Variants in JPT1 observed in about 807,000 individuals in gnomAD.
The protein encoded by JPT1 is Jupiter microtubule associated homolog 1.
Under a neutral mutation model 17.0 loss-of-function variants are expected in JPT1, and 5 were observed. That is an observed-to-expected ratio of 0.29 (90% CI 0.15 to 0.62). The LOEUF (loss-of-function observed/expected upper bound fraction) is 0.62. JPT1 is among the 20% of genes least tolerant of loss of function. The pLI, the probability that JPT1 is intolerant of heterozygous loss-of-function variation, is 0.85. For missense variants in JPT1, 158 were observed against 188.1 expected, an observed-to-expected ratio of 0.84 and a Z score of 0.94; for synonymous variants, 71 against 73.6, an observed-to-expected ratio of 0.96 and a Z score of 0.18.
intron 4 of JPT1, chr17:75,141,024 A>AG (rs1444116123): frequency 2.6e-5 from 4 of 152,514 alleles, no homozygotes; most frequent in African/African-American, 9.6e-5. Context: ...AAAGAGGTGG[A>AG]GGCTGCAGTG....
At position 75,154,105 on chromosome 17, in the gene JPT1, A is replaced by C. The variant is rs550856917; in HGVS notation, c.56+237T>G. 8 of 247,534 alleles carry C rather than the reference A, an allele frequency of 3.2e-5. No individual in the cohort carries two copies. The East Asian group carries it at 5.3e-4, about 16-fold the overall frequency. 15.3% of individuals were successfully genotyped at this position (247,534 alleles called of 1,614,324 possible). A position where few individuals can be genotyped will look rare whatever the true frequency, so the allele number is the denominator to read the frequency against. On this transcript the variant is annotated intron_variant, in intron 1 of 4. Transcript: ENST00000409753. ...AGGGGCGACCAGCCCCGGCCTCCTC[A>C]GCCCCTGACTCCGTGGAAGGAATGA...
rs1191186030 is a variant in JPT1 at position 75,148,654 on chromosome 17, C to T, written c.74G>A (p.Gly25Asp). Residue 25 changes from glycine to aspartate, a missense_variant, in exon 2 of 5, where the codon GGT becomes GAT. Physicochemically the swap from Gly to Asp is moderately conservative, Grantham distance 94. Transcript: ENST00000409753. ...RNSSRVLRPP[G>D]GGSNFSLGFD... is the part of the protein sequence containing the mutation. Reference sequence around the variant, plus strand: ...ACCTAATGAAAAATTGGATCCACCACCTGGAGGCCGCAAAACTCTGCAAAT... The same window carrying T: ...ACCTAATGAAAAATTGGATCCACCATCTGGAGGCCGCAAAACTCTGCAAAT... 2 of 1,614,178 alleles carry T rather than the reference C, an allele frequency of 1.2e-6. No homozygotes were observed. The highest frequency in any genetic ancestry group is 8.5e-7 in the Non-Finnish European group (1 of 1,180,038).
chr17:75,144,040 G>T (rs962196692), intron 4 of JPT1, among the ~76,000 whole-genome samples: 1 of 132,172 alleles, frequency 7.6e-6, no homozygotes, highest in Non-Finnish European at 1.8e-5. Context: ...CACCCAGAAG[G>T]ATGGATTCTG....
At chr17:75,148,198 G>A (rs1408616605) in intron 2 of JPT1, among the ~76,000 whole-genome samples, 1 of 152,100 alleles carries the variant, frequency 6.6e-6, no homozygotes, top group Non-Finnish European at 1.5e-5. Flanking sequence ...AGTCTAAACT[G>A]TTGTAAGCTA....
chr17:75,136,271 A>C (rs1598183408), intron 4 of JPT1, 21 bp from the exon 5 acceptor site: 1 of 1,546,298 alleles, frequency 6.5e-7, no homozygotes, highest in East Asian at 2.3e-5. Flanking sequence ...AGGGAATAGA[A>C]ATAATACTCA....
chr17:75,137,533 T>TG (rs200117522), intron 4 of JPT1, among the ~76,000 whole-genome samples: 43 of 150,418 alleles, frequency 2.9e-4, no homozygotes, highest in South Asian at 8.4e-4. Flanking sequence ...TTTTTGTTTT[T>TG]TTTTTTTTTT....
intron 1 of JPT1, among the ~76,000 whole-genome samples, chr17:75,150,458 G>A (rs2074526758): frequency 6.6e-6 from 1 of 152,084 alleles, no homozygotes. Flanking sequence ...TCGCCATGTT[G>A]GCCAGGCTGG....
At chr17:75,142,047 T>A (rs956293868) in intron 4 of JPT1, among the ~76,000 whole-genome samples, 1 of 151,830 alleles carries the variant, frequency 6.6e-6, no homozygotes, top group African/African-American at 2.4e-5. Flanking sequence ...CCAGCCTGGG[T>A]GACAGAGCAA....
chr17:75,149,516 C>T (rs1466641938), intron 1 of JPT1, among the ~76,000 whole-genome samples: 1 of 152,162 alleles, frequency 6.6e-6, no homozygotes, highest in Non-Finnish European at 1.5e-5. Context: ...TACAGGCGCC[C>T]GCCACCACGC....
At chr17:75,140,167 C>T (rs999922180) in intron 4 of JPT1, among the ~76,000 whole-genome samples, 4 of 152,088 alleles carry the variant, frequency 2.6e-5, no homozygotes, top group African/African-American at 4.8e-5. Context: ...CCGCACACCT[C>T]AGCCTCCCGA....
rs2074170354 is a variant in JPT1 at position 75,135,256 on chromosome 17, T to A, written c.*846A>T. 6.6e-6 allele frequency: 1 copy of A among 152,640 alleles called. No individual in the cohort carries two copies. The allele number at this position is 152,640 out of a possible 1,614,324, so 9.5% of individuals were successfully genotyped here. A position where few individuals can be genotyped will look rare whatever the true frequency, so the allele number is the denominator to read the frequency against. On this transcript the variant is annotated 3_prime_UTR_variant, in exon 5 of 5. Coordinates refer to ENST00000409753, the MANE Select transcript of JPT1 (RefSeq NM_016185.4). ...AGACACAGTACACAGTGTTTCAAAATGTGGATATTGTTTACTTGAAGCAAC... is the reference window on the plus strand; with the variant it reads ...AGACACAGTACACAGTGTTTCAAAAAGTGGATATTGTTTACTTGAAGCAAC...
At chr17:75,149,460 C>T (rs1003181204) in intron 1 of JPT1, among the ~76,000 whole-genome samples, 44 of 152,266 alleles carry the variant, frequency 2.9e-4, no homozygotes, top group African/African-American at 1.0e-3. Flanking sequence ...CTCCACCTCC[C>T]GGGTTCACGC....
chr17:75,147,051 C>A (rs969238260), intron 3 of JPT1, among the ~76,000 whole-genome samples: 18 of 152,088 alleles, frequency 1.2e-4, no homozygotes, highest in African/African-American at 4.1e-4. Flanking sequence ...ATGGAAGGAC[C>A]CCTATCAGTT....
At chr17:75,136,837 G>A (rs1044023061) in intron 4 of JPT1, among the ~76,000 whole-genome samples, 1 of 152,042 alleles carries the variant, frequency 6.6e-6, no homozygotes, top group Non-Finnish European at 1.5e-5. Context: ...CTAGCTCTAC[G>A]GCCCCTTCCA....
intron 4 of JPT1, among the ~76,000 whole-genome samples, chr17:75,143,751 G>A (rs1432888527): frequency 1.3e-5 from 2 of 151,842 alleles, no homozygotes; most frequent in South Asian, 2.1e-4. Context: ...AAGGAGAATC[G>A]CTTGAACCTG....
At chr17:75,149,926 T>C (rs2074515711) in intron 1 of JPT1, among the ~76,000 whole-genome samples, 1 of 50,714 alleles carries the variant, frequency 2.0e-5, no homozygotes, top group Admixed American at 2.2e-4. Flanking sequence ...GAAGAGCTGA[T>C]AATAGTCTCT....
chr17:75,141,863 G>A (rs1396114566), intron 4 of JPT1, among the ~76,000 whole-genome samples: 10 of 152,032 alleles, frequency 6.6e-5, no homozygotes, highest in Admixed American at 6.6e-4. Flanking sequence ...GAGGTCAGGA[G>A]TTCGAGACCA....
intron 4 of JPT1, among the ~76,000 whole-genome samples, chr17:75,139,040 C>A (rs572024543): frequency 8.3e-4 from 127 of 152,210 alleles, no homozygotes; most frequent in African/African-American, 3.0e-3. Flanking sequence ...TGGTTACATC[C>A]ATTGTAAAAG....
chr17:75,145,828 C>T (rs1019676088), intron 4 of JPT1: 1 of 152,210 alleles, frequency 6.6e-6, no homozygotes, highest in Non-Finnish European at 1.5e-5. Context: ...GTAATAGCAG[C>T]ACTTGGGGAG....
Sources: gnomAD v4.1 joint callset for allele counts (sites outside exome capture counted in the v4.1 genomes callset) on GRCh38, gnomAD v4.1.1 for gene constraint, MANE v1.5 for transcripts, NCBI Gene and HGNC (gene_info 2026-07-23, HGNC 2026-07-21) for gene names.